Variants in ATP5PD observed in about 807,000 individuals in gnomAD.
ATP5PD encodes the protein ATP synthase peripheral stalk subunit d.
Under a neutral mutation model 22.6 loss-of-function variants are expected in ATP5PD, and 13 were observed. The ratio of observed to expected loss-of-function variants is 0.58; its 90% CI spans 0.37 to 0.91. The LOEUF is 0.91. Ranked by LOEUF, ATP5PD falls within the 40% of genes least tolerant of loss-of-function variation. The pLI is 0.00. For missense variants in ATP5PD, 165 were observed against 188.0 expected, an observed-to-expected ratio of 0.88 and a Z score of 0.72; for synonymous variants, 51 against 65.0, an observed-to-expected ratio of 0.79 and a Z score of 1.03.
In ATP5PD at chr17:75,039,059, T is replaced by A; in HGVS notation, c.359A>T (p.Glu120Val). Residue 120 changes from glutamate (E) to valine (V), a missense_variant, in exon 6 of 6, where the codon GAG becomes GTG. Physicochemically the swap from Glu to Val is moderately radical, Grantham distance 121 (BLOSUM62 -2). Coordinates refer to ENST00000301587, the MANE Select transcript of ATP5PD (RefSeq NM_006356.3). ...AAATGGAATTAAGTTCTTCATCTTCTCCATCTGGAAAGAGGGGGAATGTGT... is the reference window on the plus strand; with the variant it reads ...AAATGGAATTAAGTTCTTCATCTTCACCATCTGGAAAGAGGGGGAATGTGT... ...ARIVEYEKEM[E>V]KMKNLIPFDQ... is the part of the protein sequence containing the mutation. 6.2e-7 allele frequency: 1 copy of A among 1,613,936 alleles called. No individual in the cohort carries two copies. The highest frequency in any genetic ancestry group is 8.5e-7 in the Non-Finnish European group (1 of 1,179,946).
Position 75,039,351 on chromosome 17 carries a change from G to A in ATP5PD, c.292-80C>T. 5 of 1,255,870 alleles carry A rather than the reference G, an allele frequency of 4.0e-6. No homozygotes were observed. In the South Asian group the frequency reaches 6.0e-5, roughly 15 times the overall value. The allele number at this position is 1,255,870 out of a possible 1,614,324, so 77.8% of individuals were successfully genotyped here. On this transcript the variant is annotated intron_variant, in intron 4 of 5. Transcript: ENST00000301587. ...AGCTGCTAAGGTAGGAGTCGTCCCA[G>A]CCCACTCCTGCTGTCCTATTGCTCT...
chr17:75,046,673 G>A (rs562710420), intron 1 of ATP5PD, among the ~76,000 whole-genome samples: 148 of 152,382 alleles, frequency 9.7e-4, no homozygotes, highest in African/African-American at 3.4e-3. Flanking sequence ...CACGAGACAC[G>A]GCTTGTGGCA....
At chr17:75,045,987 C>T (rs969239209) in intron 1 of ATP5PD, among the ~76,000 whole-genome samples, 1 of 152,226 alleles carries the variant, frequency 6.6e-6, no homozygotes, top group Non-Finnish European at 1.5e-5. Flanking sequence ...AAAATCTTCA[C>T]AATCCACGTT....
At chr17:75,043,604 T>G (rs546970934) in intron 1 of ATP5PD, among the ~76,000 whole-genome samples, 32 of 143,208 alleles carry the variant, frequency 2.2e-4, no homozygotes, top group African/African-American at 7.6e-4. Flanking sequence ...AGAGTGAGAC[T>G]CTGTCTCAAA....
chr17:75,042,418 T>G (rs1325426423), intron 2 of ATP5PD, 111 bp downstream of exon 2: 1 of 1,518,070 alleles, frequency 6.6e-7, no homozygotes. Context: ...ATGCAAGGAT[T>G]TCTTTATATG....
At chr17:75,045,954 T>A (rs1018828564) in intron 1 of ATP5PD, among the ~76,000 whole-genome samples, 7 of 152,194 alleles carry the variant, frequency 4.6e-5, no homozygotes, top group Admixed American at 2.6e-4. Context: ...AAGTATTAAT[T>A]TGGGGAACTA....
At chr17:75,046,646 G>A (rs1201929465) in intron 1 of ATP5PD, among the ~76,000 whole-genome samples, 2 of 152,224 alleles carry the variant, frequency 1.3e-5, no homozygotes, top group African/African-American at 4.8e-5. Flanking sequence ...GAAGTCTGCC[G>A]CGCTGGGAGC....
chr17:75,039,140 C>T, intron 5 of ATP5PD, 69 bp downstream of exon 5: 2 of 1,610,554 alleles, frequency 1.2e-6, no homozygotes, highest in Admixed American at 1.7e-5. Flanking sequence ...TTCCTGCCAC[C>T]AGGTGAAAGA....
intron 1 of ATP5PD, among the ~76,000 whole-genome samples, chr17:75,045,372 T>G (rs1003031027): frequency 2.0e-5 from 3 of 152,172 alleles, no homozygotes; most frequent in African/African-American, 7.2e-5. Context: ...GAGACAGGGT[T>G]TTCAGATCAA....
chr17:75,042,029 G>A, intron 3 of ATP5PD, 152 bp downstream of exon 3: 1 of 631,910 alleles, frequency 1.6e-6, no homozygotes, highest in South Asian at 2.1e-5. Flanking sequence ...CCTATTTACA[G>A]TTCAATCGAC....
chr17:75,044,298 C>T lies in ATP5PD; in HGVS notation c.-9-1639G>A, dbSNP rs540922382. ...TCGGCTCACTGCAAACTCCGCTTCCCGGGTTCACGCCATTCTCCTGCCTCA... is the reference window on the plus strand; with the variant it reads ...TCGGCTCACTGCAAACTCCGCTTCCTGGGTTCACGCCATTCTCCTGCCTCA... On this transcript the variant is annotated intron_variant, in intron 1 of 5. Transcript: ENST00000301587. Among the ~76,000 whole-genome samples, 10 of 114,002 alleles carry T rather than the reference C, an allele frequency of 8.8e-5. 1 individual carries two copies. Among genetic ancestry groups the T allele is most frequent in the Non-Finnish European group, 6.3e-5 (4 of 63,818 alleles). 74.8% of individuals were successfully genotyped at this position (114,002 alleles called of 152,430 possible). A position where few individuals can be genotyped will look rare whatever the true frequency, so the allele number is the denominator to read the frequency against.
intron 5 of ATP5PD, 33 bp downstream of exon 5, chr17:75,039,176 A>G (rs1182488655): frequency 3.7e-6 from 6 of 1,613,614 alleles, no homozygotes; most frequent in Admixed American, 1.7e-5. Flanking sequence ...GAGAGAACCC[A>G]TATTATAGGC....
At chr17:75,039,813 C>A in intron 4 of ATP5PD, 1 of 432,164 alleles carries the variant, frequency 2.3e-6, no homozygotes, top group East Asian at 4.0e-5. Context: ...AACCAGCAGT[C>A]CCCTCTCAAC....
At chr17:75,040,057 G>A in intron 4 of ATP5PD, 35 bp downstream of exon 4, 2 of 1,610,356 alleles carry the variant, frequency 1.2e-6, no homozygotes, top group South Asian at 1.1e-5. Context: ...AAGATCAAGA[G>A]AATTTTAGAA....
intron 1 of ATP5PD, among the ~76,000 whole-genome samples, chr17:75,044,709 TAAA>T (rs962873090): frequency 6.6e-6 from 1 of 151,332 alleles, no homozygotes; most frequent in Admixed American, 6.6e-5. Context: ...TACAGCCACT[TAAA>T]AAAAAAGTCA....
chr17:75,045,405 G>A (rs924093141), intron 1 of ATP5PD, among the ~76,000 whole-genome samples: 1 of 152,188 alleles, frequency 6.6e-6, no homozygotes, highest in Middle Eastern at 3.2e-3. Flanking sequence ...AAATTTATTA[G>A]GTGGGAATTT....
Position 75,039,080 on chromosome 17 carries a change from T to C in ATP5PD, c.355-17A>G. ...CTTCTCCATCTGGAAAGAGGGGGAA[T>C]GTGTTTAGTTAATGTAAACAGAGAC... On this transcript the variant is annotated splice_polypyrimidine_tract_variant and intron_variant, in intron 5 of 5. Transcript: ENST00000301587. 1.2e-6 allele frequency: 2 copies of C among 1,613,614 alleles called. No homozygotes were observed. The highest frequency in any genetic ancestry group is 1.7e-6 in the Non-Finnish European group (2 of 1,179,794).
intron 1 of ATP5PD, among the ~76,000 whole-genome samples, chr17:75,046,684 G>A (rs140173009): frequency 0.014 from 2,143 of 152,352 alleles, 34 homozygotes; most frequent in Non-Finnish European, 0.021. Flanking sequence ...GCTTGTGGCA[G>A]CGCCTACATC....
intron 1 of ATP5PD, among the ~76,000 whole-genome samples, chr17:75,045,284 C>T (rs2073202172): frequency 6.6e-6 from 1 of 152,202 alleles, no homozygotes; most frequent in Non-Finnish European, 1.5e-5. Flanking sequence ...GGTGAGATCA[C>T]AAGACCACAG....
Sources: allele counts gnomAD v4.1 joint callset (sites outside exome capture counted in the v4.1 genomes callset), GRCh38; gene constraint gnomAD v4.1.1; transcripts MANE v1.5; gene names NCBI Gene and HGNC (gene_info 2026-07-23, HGNC 2026-07-21).